STAG1: variants seen among roughly 807,000 people sequenced by gnomAD.
The protein encoded by STAG1 is STAG1 cohesin complex component.
In STAG1, 26 loss-of-function variants were observed where a neutral mutation model predicts 170.9. The ratio of observed to expected loss-of-function variants is 0.15; its 90% CI spans 0.11 to 0.21. The LOEUF (loss-of-function observed/expected upper bound fraction) is 0.21. Among genes scored for constraint, STAG1 ranks in the 10% least tolerant of loss-of-function variants. The pLI is 1.00. For synonymous variants in STAG1, 514 were observed against 497.7 expected (o/e 1.03, Z -0.44); for missense variants, 964 against 1,509.5 (o/e 0.64, Z 5.99).
At chr3:136,710,296 T>A (rs1943347829) in intron 1 of STAG1, among the ~76,000 whole-genome samples, 1 of 152,242 alleles carries the variant, frequency 6.6e-6, no homozygotes, top group Non-Finnish European at 1.5e-5. Flanking sequence ...TAATACAGTC[T>A]GATTTTATAA....
intron 5 of STAG1, among the ~76,000 whole-genome samples, chr3:136,551,198 TGAGAGAGAGTGAGAGAGAGAGAGAGAGA>T (rs1936368464): frequency 7.0e-5 from 3 of 43,156 alleles, no homozygotes; most frequent in African/African-American, 1.2e-4. Context: ...AGAGAGAGGT[TGAGAGAGAGTGAGAGAGAGAGAGAGAGA>T]GAGAGAGAGA....
intron 21 of STAG1, among the ~76,000 whole-genome samples, chr3:136,410,173 G>C (rs1356867008): frequency 6.6e-6 from 1 of 152,018 alleles, no homozygotes; most frequent in African/African-American, 2.4e-5. Context: ...GCCAAGGCAG[G>C]CAGATCACCT....
At chr3:136,628,793 T>C (rs1385927886) in intron 2 of STAG1, among the ~76,000 whole-genome samples, 1 of 152,236 alleles carries the variant, frequency 6.6e-6, no homozygotes, top group Non-Finnish European at 1.5e-5. Flanking sequence ...ACCCAGAACC[T>C]AGTAGGCTTC....
At chr3:136,453,035 C>T (rs117363537) in intron 13 of STAG1, among the ~76,000 whole-genome samples, 1,722 of 152,242 alleles carry the variant, frequency 0.011, 30 homozygotes, top group East Asian at 0.046. Flanking sequence ...AGTGATACCC[C>T]TGCCTTGGCC....
intron 4 of STAG1, 40 bp from the exon 5 acceptor site, chr3:136,568,901 TTTG>T: frequency 1.4e-6 from 2 of 1,442,492 alleles, no homozygotes; most frequent in Non-Finnish European, 1.9e-6. Context: ...TTCAAAAAAA[TTTG>T]ATATTATAGC....
At chr3:136,484,413 A>C (rs375460813) in intron 9 of STAG1, among the ~76,000 whole-genome samples, 4 of 148,710 alleles carry the variant, frequency 2.7e-5, no homozygotes, top group Admixed American at 6.7e-5. Flanking sequence ...CAAGGACCCA[A>C]TTGAGGAGGC....
chr3:136,740,585 A>G (rs1291412873), intron 1 of STAG1, among the ~76,000 whole-genome samples: 4 of 152,032 alleles, frequency 2.6e-5, no homozygotes, highest in African/African-American at 4.8e-5. Flanking sequence ...GGCTCAAACT[A>G]TCCTCTGCCT....
intron 22 of STAG1, among the ~76,000 whole-genome samples, chr3:136,378,244 G>A (rs576172787): frequency 2.0e-5 from 3 of 152,296 alleles, no homozygotes; most frequent in African/African-American, 7.2e-5. Flanking sequence ...GGCCAATTAC[G>A]GAGATGAAGT....
intron 15 of STAG1, among the ~76,000 whole-genome samples, chr3:136,438,853 A>G (rs2088539407): frequency 6.6e-6 from 1 of 152,072 alleles, no homozygotes; most frequent in African/African-American, 2.4e-5. Context: ...TCATTCATCA[A>G]CTGGATTACA....
intron 3 of STAG1, 21 bp from the exon 4 acceptor site, chr3:136,604,494 G>T (rs751695393): frequency 1.4e-5 from 22 of 1,575,410 alleles, no homozygotes; most frequent in Non-Finnish European, 1.8e-5. Flanking sequence ...GATAAAAAAA[G>T]ATTCCATTCG....
intron 16 of STAG1, among the ~76,000 whole-genome samples, chr3:136,432,507 T>A (rs1337449098): frequency 2.2e-5 from 1 of 45,188 alleles, no homozygotes; most frequent in Non-Finnish European, 5.4e-5. Flanking sequence ...TTTGTTTTCT[T>A]TTTTTTTGGG....
chr3:136,536,730 C>T lies in STAG1; in HGVS notation c.471+5389G>A, dbSNP rs113531732. Among the ~76,000 whole-genome samples the T allele has an allele frequency of 8.2e-3, 1,213 of 147,628 alleles. 9 individuals are homozygous for T. The highest frequency in any genetic ancestry group is 0.013 in the Non-Finnish European group (850 of 67,140). The stretch of plus-strand genomic sequence containing the variant: ...AAAAAAAAAAAAAAAAAAAAAACTA[C>T]GGCTGTAGGAGCTAGATTGTTTGGG... On this transcript the variant is annotated intron_variant, in intron 6 of 33. Transcript: ENST00000383202.
chr3:136,347,093 A>AAT (rs1352896819), intron 29 of STAG1, among the ~76,000 whole-genome samples: 1 of 150,284 alleles, frequency 6.7e-6, no homozygotes, highest in African/African-American at 2.4e-5. Flanking sequence ...AAAAAAAAAA[A>AAT]AAAGAAAAGA....
intron 23 of STAG1, among the ~76,000 whole-genome samples, chr3:136,373,735 C>G (rs1937470708): frequency 6.6e-6 from 1 of 152,052 alleles, no homozygotes; most frequent in Non-Finnish European, 1.5e-5. Flanking sequence ...AATTTCTGTT[C>G]TTTTACATTT....
chr3:136,524,912 T>C (rs905342392), intron 6 of STAG1, among the ~76,000 whole-genome samples: 1 of 152,238 alleles, frequency 6.6e-6, no homozygotes, highest in South Asian at 2.1e-4. Flanking sequence ...GATTTGTGTA[T>C]GGTGAACCAG....
intron 2 of STAG1, 106 bp from the exon 3 acceptor site, chr3:136,623,354 T>C (rs1201440957): frequency 8.9e-6 from 8 of 902,358 alleles, no homozygotes; most frequent in Non-Finnish European, 1.3e-5. Flanking sequence ...AAGTGGTTTA[T>C]ACTTCTACTT....
intron 1 of STAG1, among the ~76,000 whole-genome samples, chr3:136,738,688 T>C (rs1389266823): frequency 1.3e-5 from 2 of 152,134 alleles, no homozygotes; most frequent in Non-Finnish European, 2.9e-5. Context: ...CAAATTTTCA[T>C]TAGACAGGAG....
chr3:136,354,087 C>T (rs967729272), intron 28 of STAG1, among the ~76,000 whole-genome samples: 12 of 152,126 alleles, frequency 7.9e-5, no homozygotes, highest in African/African-American at 2.9e-4. Context: ...ATATAACAAA[C>T]TCTATAAATA....
At chr3:136,399,211 ACTT>A (rs1357044125) in intron 21 of STAG1, among the ~76,000 whole-genome samples, 4 of 152,214 alleles carry the variant, frequency 2.6e-5, no homozygotes, top group Non-Finnish European at 4.4e-5. Flanking sequence ...GAAAATTTCT[ACTT>A]CTTTTAAAGT....
Sources: allele counts gnomAD v4.1 joint callset (sites outside exome capture counted in the v4.1 genomes callset), GRCh38; gene constraint gnomAD v4.1.1; transcripts MANE v1.5; gene names NCBI Gene and HGNC (gene_info 2026-07-23, HGNC 2026-07-21).